Variants in NR2F1-AS1 observed in about 807,000 individuals in gnomAD.
The protein encoded by NR2F1-AS1 is NR2F1 antisense RNA 1.
rs1749054193 is a variant in NR2F1-AS1, at chr5:93,419,969, G to A, written n.639-24427C>T. ...CCCAGCAATCTGGGAGGCAGAGGTGGGTGGATCACTTGAGGTCATGAGTTC... is the reference window on the plus strand; with the variant it reads ...CCCAGCAATCTGGGAGGCAGAGGTGAGTGGATCACTTGAGGTCATGAGTTC... On this transcript the variant is annotated intron_variant and non_coding_transcript_variant, in intron 4 of 5. Transcript: ENST00000660523. Among the ~76,000 whole-genome samples, 3 of 152,148 alleles carry A rather than the reference G, an allele frequency of 2.0e-5. No individual in the cohort carries two copies. The South Asian group carries it at 6.2e-4, about 32-fold the overall frequency.
At chr5:93,554,734 A>G (rs915725156) in intron 3 of NR2F1-AS1, 1 of 152,224 alleles carries the variant, frequency 6.6e-6, no homozygotes, top group African/African-American at 2.4e-5. Flanking sequence ...CATAACCTCA[A>G]AGAAATCACA....
chr5:93,575,018 G>A (rs1054935499), intron 1 of NR2F1-AS1, among the ~76,000 whole-genome samples: 1 of 152,212 alleles, frequency 6.6e-6, no homozygotes, highest in Non-Finnish European at 1.5e-5. Flanking sequence ...CTGCAGCCTG[G>A]GGGGGTGTCC....
At chr5:93,465,934 G>C (rs935219954) in intron 4 of NR2F1-AS1, among the ~76,000 whole-genome samples, 1 of 150,710 alleles carries the variant, frequency 6.6e-6, no homozygotes, top group African/African-American at 2.4e-5. Flanking sequence ...TGGGGTGGGG[G>C]GTTGGGGGAG....
At chr5:93,491,653 C>T (rs560507161) in intron 4 of NR2F1-AS1, among the ~76,000 whole-genome samples, 4 of 152,214 alleles carry the variant, frequency 2.6e-5, no homozygotes, top group East Asian at 3.9e-4. Context: ...CTACTAAAGA[C>T]GCAAATTGAA....
At chr5:93,419,345 T>G (rs1466830276) in intron 4 of NR2F1-AS1, among the ~76,000 whole-genome samples, 1 of 152,200 alleles carries the variant, frequency 6.6e-6, no homozygotes. Context: ...ATCTTAGAGA[T>G]TTGTAACTAT....
intron 4 of NR2F1-AS1, among the ~76,000 whole-genome samples, chr5:93,461,634 TGTATTACCTTCAAAGCAAAGAG>T (rs1750096560): frequency 6.6e-6 from 1 of 152,224 alleles, no homozygotes; most frequent in Non-Finnish European, 1.5e-5. Context: ...TACAGACTGC[TGTATTACCTTCAAAGCAAAGAG>T]GTTCTCAAAG....
intron 4 of NR2F1-AS1, among the ~76,000 whole-genome samples, chr5:93,538,884 T>G (rs971794006): frequency 6.6e-6 from 1 of 152,156 alleles, no homozygotes; most frequent in African/African-American, 2.4e-5. Context: ...AAAAATTGGT[T>G]TCGTTATACA....
At chr5:93,536,483 T>A (rs1411426974) in intron 4 of NR2F1-AS1, among the ~76,000 whole-genome samples, 1 of 151,942 alleles carries the variant, frequency 6.6e-6, no homozygotes, top group East Asian at 1.9e-4. Context: ...GCAAAAGCAA[T>A]CCTTAGCATA....
chr5:93,421,442 G>A (rs983883400), intron 4 of NR2F1-AS1, among the ~76,000 whole-genome samples: 1 of 151,782 alleles, frequency 6.6e-6, no homozygotes, highest in Non-Finnish European at 1.5e-5. Context: ...AGGTTTTAAG[G>A]TTATGTTCCA....
At chr5:93,454,919 C>A (rs961235920) in intron 4 of NR2F1-AS1, among the ~76,000 whole-genome samples, 6 of 152,312 alleles carry the variant, frequency 3.9e-5, no homozygotes, top group Middle Eastern at 3.4e-3. Flanking sequence ...TCTCTTCCAA[C>A]TGGCTGTTTA....
At chr5:93,526,603 T>C (rs1055188676) in intron 4 of NR2F1-AS1, among the ~76,000 whole-genome samples, 1 of 152,198 alleles carries the variant, frequency 6.6e-6, no homozygotes, top group East Asian at 1.9e-4. Flanking sequence ...CTCAATAAAA[T>C]ACCAGCAAAC....
At chr5:93,482,158 G>A (rs1000778991) in intron 4 of NR2F1-AS1, among the ~76,000 whole-genome samples, 6 of 152,142 alleles carry the variant, frequency 3.9e-5, no homozygotes, top group African/African-American at 1.4e-4. Context: ...GGGGTGGCTA[G>A]CAAGATGGCC....
chr5:93,572,905 G>A (rs543900152), intron 1 of NR2F1-AS1, among the ~76,000 whole-genome samples: 1 of 152,186 alleles, frequency 6.6e-6, no homozygotes, highest in African/African-American at 2.4e-5. Flanking sequence ...CGGCGGGGCC[G>A]GATCCTCCGC....
intron 4 of NR2F1-AS1, among the ~76,000 whole-genome samples, chr5:93,466,538 A>G (rs1750237856): frequency 1.3e-5 from 2 of 151,920 alleles, no homozygotes; most frequent in Admixed American, 1.3e-4. Context: ...GGGTTTCACC[A>G]TGTTGGCCAG....
intron 4 of NR2F1-AS1, among the ~76,000 whole-genome samples, chr5:93,467,313 T>A (rs1750259965): frequency 6.6e-6 from 1 of 152,204 alleles, no homozygotes; most frequent in East Asian, 1.9e-4. Flanking sequence ...TCATCACCCC[T>A]TCCAGTTTTT....
At chr5:93,496,535 C>CT (rs1750963681) in intron 4 of NR2F1-AS1, among the ~76,000 whole-genome samples, 2 of 152,242 alleles carry the variant, frequency 1.3e-5, no homozygotes, top group South Asian at 4.1e-4. Context: ...AATAGGCATC[C>CT]TTTTTAATTT....
At position 93,465,929 on chromosome 5, in the gene NR2F1-AS1, T is replaced by TG. The variant is rs1198233671; in HGVS notation, n.639-70388dup. On this transcript the variant is annotated intron_variant and non_coding_transcript_variant, in intron 4 of 5. Transcript: ENST00000660523. ...TCACACATGGGGGCCTGTTGTGGGG[T>TG]GGGGGGTTGGGGGAGGGTTAGCATT... Among the ~76,000 whole-genome samples the TG allele has an allele frequency of 2.1e-3, 71 of 34,036 alleles. 1 individual carries two copies. The highest frequency in any genetic ancestry group is 7.1e-3 in the African/African-American group (59 of 8,352). The allele number at this position is 34,036 out of a possible 152,430, so 22.3% of individuals were successfully genotyped here. A position where few individuals can be genotyped will look rare whatever the true frequency, so the allele number is the denominator to read the frequency against.
At chr5:93,462,225 T>A (rs959112145) in intron 4 of NR2F1-AS1, among the ~76,000 whole-genome samples, 2 of 152,110 alleles carry the variant, frequency 1.3e-5, no homozygotes, top group African/African-American at 4.8e-5. Context: ...GGGAGGTGAT[T>A]GAGTTATGGG....
At chr5:93,513,229 T>C (rs1210352997) in intron 4 of NR2F1-AS1, among the ~76,000 whole-genome samples, 1 of 152,184 alleles carries the variant, frequency 6.6e-6, no homozygotes, top group East Asian at 1.9e-4. Flanking sequence ...TGTAAATTAC[T>C]TCAGCCACTG....
Sources: gnomAD v4.1 joint callset for allele counts (sites outside exome capture counted in the v4.1 genomes callset) on GRCh38, gnomAD v4.1.1 for gene constraint, MANE v1.5 for transcripts, NCBI Gene and HGNC (gene_info 2026-07-23, HGNC 2026-07-21) for gene names.